The following ARHGAP35 variants were observed in gnomAD, a reference collection of about 807,000 sequenced individuals.
ARHGAP35 encodes the protein Rho GTPase activating protein 35, also known as rho GTPase-activating protein 35.
Under a neutral mutation model 111.1 loss-of-function variants are expected in ARHGAP35, and 15 were observed. The observed-to-expected ratio is 0.13, with a 90% confidence interval of 0.09 to 0.21. The LOEUF is 0.21. ARHGAP35 is among the 10% of genes least tolerant of loss of function. The pLI, the probability that ARHGAP35 is intolerant of heterozygous loss-of-function variation, is 1.00. For synonymous variants in ARHGAP35, 643 were observed against 710.3 expected (o/e 0.91, Z 1.51); for missense variants, 1,262 against 1,873.0 (o/e 0.67, Z 6.02).
chr19:46,893,886 C>CTTTT (rs75930765), intron 1 of ARHGAP35, among the ~76,000 whole-genome samples: 1 of 122,380 alleles, frequency 8.2e-6, no homozygotes, highest in Non-Finnish European at 1.7e-5. Flanking sequence ...CGTTCTTTCT[C>CTTTT]TTTTTTTTTT....
rs777097703 is a variant in ARHGAP35, at chr19:46,945,444, G to T, written c.3826+8036G>T. 5.3e-5 allele frequency among the ~76,000 whole-genome samples: 8 copies of T among 152,044 alleles called. No individual in the cohort carries two copies. The highest frequency in any genetic ancestry group is 8.8e-5 in the Non-Finnish European group (6 of 68,000). On this transcript the variant is annotated intron_variant, in intron 3 of 6. Coordinates refer to ENST00000672722, the MANE Select transcript of ARHGAP35 (RefSeq NM_004491.5). This position sits in a 1 kb window ranked among gnomAD's most constrained non-coding sequence, Gnocchi z 4.1. ...GGGCAAGAGGTTACTTTTAGAGCTGGCTCACAATCCTCCTGAGAATAATTT... is the reference window on the plus strand; with the variant it reads ...GGGCAAGAGGTTACTTTTAGAGCTGTCTCACAATCCTCCTGAGAATAATTT...
chr19:46,984,746 TG>T (rs2056639671), intron 3 of ARHGAP35, among the ~76,000 whole-genome samples: 2 of 152,204 alleles, frequency 1.3e-5, no homozygotes, highest in African/African-American at 4.8e-5. Context: ...TGCTTTCCAG[TG>T]CTTCCATTTG....
intron 3 of ARHGAP35, among the ~76,000 whole-genome samples, chr19:46,968,904 T>G (rs2056529562): frequency 6.6e-6 from 1 of 152,054 alleles, no homozygotes; most frequent in South Asian, 2.1e-4. Flanking sequence ...CTGGCCAACA[T>G]GATGAAACCC....
At chr19:46,948,007 C>A (rs2056389641) in intron 3 of ARHGAP35, 1 of 152,254 alleles carries the variant, frequency 6.6e-6, no homozygotes, top group African/African-American at 2.4e-5. Flanking sequence ...GTTCAGTTAT[C>A]TGGAAGCTCT....
intron 1 of ARHGAP35, among the ~76,000 whole-genome samples, chr19:46,889,325 G>A (rs1294925062): frequency 6.6e-6 from 1 of 151,994 alleles, no homozygotes; most frequent in Non-Finnish European, 1.5e-5. Flanking sequence ...TTGGTGTGGT[G>A]GCGTGTGCCT....
chr19:46,882,239 TC>T (rs2055966231), intron 1 of ARHGAP35, among the ~76,000 whole-genome samples: 1 of 148,516 alleles, frequency 6.7e-6, no homozygotes. Context: ...CCTCAAGCAG[TC>T]CCCCCACCTC....
At chr19:46,912,640 G>A (rs1256078280) in intron 1 of ARHGAP35, among the ~76,000 whole-genome samples, 1 of 152,148 alleles carries the variant, frequency 6.6e-6, no homozygotes, top group Non-Finnish European at 1.5e-5. Context: ...ACAGGCATGA[G>A]CCACTGCTCC....
chr19:46,868,123 C>T (rs923070852), intron 1 of ARHGAP35, among the ~76,000 whole-genome samples: 1 of 152,216 alleles, frequency 6.6e-6, no homozygotes, highest in Non-Finnish European at 1.5e-5. Context: ...CTGCCTCAGC[C>T]TCCCAAAGTG....
chr19:46,971,532 C>T (rs2056549395), intron 3 of ARHGAP35, among the ~76,000 whole-genome samples: 1 of 150,810 alleles, frequency 6.6e-6, no homozygotes, highest in Admixed American at 6.6e-5. Context: ...CGGAGTCTTG[C>T]TCTGTCACCC....
At chr19:46,971,911 G>A (rs1425589558) in intron 3 of ARHGAP35, among the ~76,000 whole-genome samples, 1 of 152,196 alleles carries the variant, frequency 6.6e-6, no homozygotes, top group African/African-American at 2.4e-5. Context: ...ACTGATGAGT[G>A]GTGCACAGTT....
intron 3 of ARHGAP35, among the ~76,000 whole-genome samples, chr19:46,957,380 G>A (rs983273318): frequency 2.0e-5 from 3 of 152,094 alleles, no homozygotes; most frequent in Non-Finnish European, 4.4e-5. Flanking sequence ...TCTGGAGGCC[G>A]AGGCAGGAGG....
rs2056189129 is a variant in ARHGAP35, at chr19:46,920,056, A to G, written c.1381A>G (p.Asn461Asp). The G allele has an allele frequency of 6.2e-7, 1 of 1,613,522 alleles. No homozygotes were observed. The highest frequency in any genetic ancestry group is 1.3e-5 in the African/African-American group (1 of 74,834). The change falls in exon 2 of 7, where the codon AAT becomes GAT. Residue 461 changes from asparagine to aspartate, a missense_variant. Asn to Asp is a conservative substitution (Grantham distance 23). Coordinates refer to ENST00000672722, the MANE Select transcript of ARHGAP35 (RefSeq NM_004491.5). The surrounding 1 kb of genome is among the most constrained non-coding windows in gnomAD (Gnocchi z 7.0). ...GGAAGAGGCCCGTAGTTTTATTATG[A>G]ATGAGGATTTCTACCAGTGGCTGGA... ...PWEEARSFIM[N>D]EDFYQWLEES...
rs772506542 is a variant in ARHGAP35, at chr19:47,000,658, C to G, written c.4470C>G (p.Pro1490=). 6.3e-7 allele frequency: 1 copy of G among 1,598,988 alleles called. No individual in the cohort carries two copies. The highest frequency in any genetic ancestry group is 1.1e-5 in the South Asian group (1 of 88,584). ...AGTCCCCAATGCAGCCACTGCTTCCCTCCCAGCTTCAAGCCGAACACACGC... is the reference window on the plus strand; with the variant it reads ...AGTCCCCAATGCAGCCACTGCTTCCGTCCCAGCTTCAAGCCGAACACACGC... The part of the protein sequence containing the change: ...TPQSPMQPLL[P]SQLQAEHTL The change falls in exon 7 of 7, where the codon CCC becomes CCG. Residue 1490 remains proline (P), a synonymous_variant. Coordinates refer to ENST00000672722, the MANE Select transcript of ARHGAP35 (RefSeq NM_004491.5). The surrounding 1 kb of genome is among the most constrained non-coding windows in gnomAD (Gnocchi z 6.9).
At chr19:46,888,443 A>T (rs947876563) in intron 1 of ARHGAP35, among the ~76,000 whole-genome samples, 8 of 149,152 alleles carry the variant, frequency 5.4e-5, no homozygotes, top group African/African-American at 9.9e-5. Flanking sequence ...CCCTTGGGTA[A>T]CGGTGGCTGT....
In ARHGAP35 at chr19:46,945,330, A is replaced by G. The variant is rs548012530; in HGVS notation, c.3826+7922A>G. Among the ~76,000 whole-genome samples, 52 of 152,314 alleles carry G rather than the reference A, an allele frequency of 3.4e-4. No individual in the cohort carries two copies. The highest frequency in any genetic ancestry group is 3.4e-3 in the Middle Eastern group (1 of 294). ...CCCTTCTGCAGCAGTGTGGCTCCTAATGACAGAGAACATTGGCCAAGCTCA... is the reference window on the plus strand; with the variant it reads ...CCCTTCTGCAGCAGTGTGGCTCCTAGTGACAGAGAACATTGGCCAAGCTCA... On this transcript the variant is annotated intron_variant, in intron 3 of 6. Coordinates refer to ENST00000672722, the MANE Select transcript of ARHGAP35 (RefSeq NM_004491.5). The surrounding 1 kb of genome is among the most constrained non-coding windows in gnomAD (Gnocchi z 4.1).
chr19:46,868,146 G>A (rs954585808), intron 1 of ARHGAP35, among the ~76,000 whole-genome samples: 1 of 152,232 alleles, frequency 6.6e-6, no homozygotes, highest in Non-Finnish European at 1.5e-5. Context: ...GGGATTACAG[G>A]TGTGAGCTAC....
intron 1 of ARHGAP35, among the ~76,000 whole-genome samples, chr19:46,910,194 C>T (rs538533773): frequency 2.6e-5 from 4 of 152,278 alleles, no homozygotes; most frequent in Non-Finnish European, 5.9e-5. Flanking sequence ...ATCACTGTAA[C>T]CTCAAACTTC....
Position 46,999,596 on chromosome 19 carries a change from C to T in ARHGAP35, c.4142+187C>T, listed in dbSNP as rs1325346514. 6.8e-6 allele frequency: 4 copies of T among 587,808 alleles called. No homozygotes were observed. The highest frequency in any genetic ancestry group is 1.9e-5 in the African/African-American group (1 of 53,620). 36.4% of individuals were successfully genotyped at this position (587,808 alleles called of 1,614,324 possible). On this transcript the variant is annotated intron_variant, in intron 6 of 6. Coordinates refer to ENST00000672722, the MANE Select transcript of ARHGAP35 (RefSeq NM_004491.5). This position sits in a 1 kb window ranked among gnomAD's most constrained non-coding sequence, Gnocchi z 5.4. ...CCAGAGCCTCTGCCTCTCGCCCATC[C>T]TCAGGCCTCCCTCCTGCTCCTGTCT...
intron 3 of ARHGAP35, among the ~76,000 whole-genome samples, chr19:46,941,328 G>A (rs1266023803): frequency 6.6e-6 from 1 of 151,956 alleles, no homozygotes; most frequent in East Asian, 2.0e-4. Context: ...GTTCTTCTCA[G>A]CCAAATTTCA....
Sources: allele counts gnomAD v4.1 joint callset (sites outside exome capture counted in the v4.1 genomes callset), GRCh38; gene constraint gnomAD v4.1.1; non-coding constraint Gnocchi (gnomAD v3.1); transcripts MANE v1.5; gene names NCBI Gene and HGNC (gene_info 2026-07-23, HGNC 2026-07-21).